SORCS2: variants seen among roughly 807,000 people sequenced by gnomAD.
SORCS2 encodes sortilin related VPS10 domain containing receptor 2.
Under a neutral mutation model 141.6 loss-of-function variants are expected in SORCS2, and 100 were observed. That is an observed-to-expected ratio of 0.71 (90% CI 0.60 to 0.83). The LOEUF is 0.83. SORCS2 is among the 40% of genes least tolerant of loss of function. The pLI, the probability that SORCS2 is intolerant of heterozygous loss-of-function variation, is 0.00. For synonymous variants in SORCS2, 789 were observed against 676.9 expected (o/e 1.17, Z -2.57); for missense variants, 1,646 against 1,560.2 (o/e 1.05, Z -0.93).
intron 1 of SORCS2, among the ~76,000 whole-genome samples, chr4:7,226,581 C>T (rs913394970): frequency 6.6e-6 from 1 of 152,142 alleles, no homozygotes; most frequent in African/African-American, 2.4e-5. Flanking sequence ...CTAACACACG[C>T]CATGCAAGAC....
At chr4:7,667,791 T>TCTGCCC (rs1722588023) in intron 8 of SORCS2, among the ~76,000 whole-genome samples, 1 of 152,214 alleles carries the variant, frequency 6.6e-6, no homozygotes. Flanking sequence ...ATTGCCCAAC[T>TCTGCCC]CTGCCCCTGC....
At chr4:7,524,915 G>A (rs1488447293) in intron 2 of SORCS2, among the ~76,000 whole-genome samples, 1 of 152,202 alleles carries the variant, frequency 6.6e-6, no homozygotes, top group Non-Finnish European at 1.5e-5. Flanking sequence ...AGAAAGACGA[G>A]GGCATCCATC....
intron 1 of SORCS2, among the ~76,000 whole-genome samples, chr4:7,337,729 C>T (rs10028680): frequency 0.5 from 76,352 of 152,064 alleles, 19,426 homozygotes; most frequent in East Asian, 0.57. Flanking sequence ...GAATCCCAGC[C>T]GCCCTTAGCC....
intron 1 of SORCS2, among the ~76,000 whole-genome samples, chr4:7,272,002 C>T (rs907391996): frequency 6.6e-6 from 1 of 152,144 alleles, no homozygotes; most frequent in Non-Finnish European, 1.5e-5. Flanking sequence ...ACATGACTGG[C>T]ATATGGGAAG....
intron 3 of SORCS2, among the ~76,000 whole-genome samples, chr4:7,539,652 C>T (rs950427576): frequency 4.5e-5 from 6 of 133,672 alleles, no homozygotes; most frequent in African/African-American, 1.3e-4. Context: ...TTCAGCCCTA[C>T]AAACTCCTTC....
At chr4:7,634,873 C>G (rs1720141458) in intron 3 of SORCS2, among the ~76,000 whole-genome samples, 2 of 152,200 alleles carry the variant, frequency 1.3e-5, no homozygotes, top group African/African-American at 2.4e-5. Context: ...AACCCACAAC[C>G]CCATCCGATG....
chr4:7,382,003 C>G, intron 1 of SORCS2: 1 of 984,758 alleles, frequency 1.0e-6, no homozygotes, highest in South Asian at 4.7e-5. Flanking sequence ...GTGAACAGGA[C>G]CAGGGACACA....
At chr4:7,336,259 T>A (rs1246573858) in intron 1 of SORCS2, among the ~76,000 whole-genome samples, 2 of 152,158 alleles carry the variant, frequency 1.3e-5, no homozygotes, top group Non-Finnish European at 2.9e-5. Flanking sequence ...CCGTCTGCTC[T>A]GCTGAAGGGA....
At chr4:7,407,749 C>T (rs1009643323) in intron 2 of SORCS2, among the ~76,000 whole-genome samples, 3 of 151,954 alleles carry the variant, frequency 2.0e-5, no homozygotes, top group African/African-American at 7.2e-5. Flanking sequence ...TTTGTATATC[C>T]CCTCTTCCTT....
chr4:7,739,671 G>A (rs942616210), intron 26 of SORCS2, among the ~76,000 whole-genome samples: 12 of 152,276 alleles, frequency 7.9e-5, no homozygotes, highest in East Asian at 5.8e-4. Context: ...GCTCCCAGCC[G>A]TGTCTCCCGG....
intron 4 of SORCS2, among the ~76,000 whole-genome samples, chr4:7,639,754 A>C (rs1342769325): frequency 7.1e-6 from 1 of 141,426 alleles, no homozygotes; most frequent in African/African-American, 2.7e-5. Context: ...TGAATGTATG[A>C]GTGTATGTGG....
chr4:7,705,775 C>G (rs1473289739), intron 14 of SORCS2, among the ~76,000 whole-genome samples: 1 of 152,266 alleles, frequency 6.6e-6, no homozygotes, highest in Non-Finnish European at 1.5e-5. Context: ...CTGAGTGGCT[C>G]TTCCACTGGC....
intron 18 of SORCS2, among the ~76,000 whole-genome samples, chr4:7,722,680 T>C (rs909756740): frequency 1.3e-5 from 2 of 152,196 alleles, no homozygotes; most frequent in Non-Finnish European, 2.9e-5. Flanking sequence ...TCTTAGCTAA[T>C]GACACCTGTA....
intron 1 of SORCS2, among the ~76,000 whole-genome samples, chr4:7,229,799 G>A (rs1711694665): frequency 6.6e-6 from 1 of 151,834 alleles, no homozygotes. Context: ...CAGTCTTCCA[G>A]TGTCTGGGCA....
chr4:7,372,148 G>A (rs1263189194), intron 1 of SORCS2, among the ~76,000 whole-genome samples: 3 of 152,190 alleles, frequency 2.0e-5, no homozygotes, highest in Non-Finnish European at 4.4e-5. Flanking sequence ...TTGGATCTGG[G>A]CACCCCAGAA....
chr4:7,715,163 C>CCT lies in SORCS2; in HGVS notation c.2124-20_2124-19insCT. The CCT allele has an allele frequency of 2.5e-6, 4 of 1,612,444 alleles. No homozygotes were observed. The highest frequency in any genetic ancestry group is 3.4e-6 in the Non-Finnish European group (4 of 1,178,944). On this transcript the variant is annotated intron_variant, in intron 16 of 26. Coordinates refer to ENST00000507866, the MANE Select transcript of SORCS2 (RefSeq NM_020777.3). ...TCCCACCTGTGCCCGTCACTTACCA[C>CCT]TACTCTTCCCTCCTCCCAGCGACTA...
chr4:7,551,869 T>C (rs2109635942), intron 3 of SORCS2, among the ~76,000 whole-genome samples: 1 of 152,338 alleles, frequency 6.6e-6, no homozygotes, highest in African/African-American at 2.4e-5. Context: ...GAACAAATTG[T>C]AATATACAAA....
intron 2 of SORCS2, among the ~76,000 whole-genome samples, chr4:7,396,964 C>T (rs992126806): frequency 1.3e-5 from 2 of 152,228 alleles, no homozygotes; most frequent in Admixed American, 6.5e-5. Flanking sequence ...TCCACTCACC[C>T]AGGAAGGGTA....
At chr4:7,612,788 G>A (rs936721684) in intron 3 of SORCS2, among the ~76,000 whole-genome samples, 2 of 151,014 alleles carry the variant, frequency 1.3e-5, no homozygotes, top group Non-Finnish European at 1.5e-5. Flanking sequence ...GGAGCTTCGC[G>A]GACGTGGGAG....
Sources: allele counts gnomAD v4.1 joint callset (sites outside exome capture counted in the v4.1 genomes callset), GRCh38; gene constraint gnomAD v4.1.1; transcripts MANE v1.5; gene names NCBI Gene and HGNC (gene_info 2026-07-23, HGNC 2026-07-21).